The following FOXP2 variants were observed in gnomAD, a reference collection of about 807,000 sequenced individuals.
The protein encoded by FOXP2 is forkhead box P2.
FOXP2 carries 12 observed loss-of-function variants against 115.8 expected under a neutral mutation model. That is an observed-to-expected ratio of 0.10 (90% CI 0.07 to 0.17). The LOEUF (loss-of-function observed/expected upper bound fraction) is 0.17. Ranked by LOEUF, FOXP2 falls within the 10% of genes least tolerant of loss-of-function variation. The probability of loss-of-function intolerance (pLI) is 1.00; values close to 1 mark genes in which losing one functional copy is unlikely to be tolerated. For synonymous variants in FOXP2, 328 were observed against 297.7 expected, an observed-to-expected ratio of 1.10 and a Z score of -1.05; for missense variants, 629 against 843.5, an observed-to-expected ratio of 0.75 and a Z score of 3.15.
At chr7:114,642,676 A>G in intron 7 of FOXP2, 53 bp downstream of exon 7, 1 of 1,516,380 alleles carries the variant, frequency 6.6e-7, no homozygotes, top group Non-Finnish European at 9.1e-7. Context: ...TTTTATTTTC[A>G]CCATTGAGAC....
chr7:114,444,502 T>C (rs901999421), intron 2 of FOXP2, among the ~76,000 whole-genome samples: 42 of 152,178 alleles, frequency 2.8e-4, no homozygotes, highest in Non-Finnish European at 1.5e-5. Context: ...TAGTAATACT[T>C]CGTCCTCAAG....
intron 2 of FOXP2, among the ~76,000 whole-genome samples, chr7:114,393,208 T>G (rs1348836576): frequency 1.3e-5 from 2 of 152,160 alleles, no homozygotes; most frequent in South Asian, 2.1e-4. Context: ...TATAATATTT[T>G]TACTTAAGTA....
At chr7:114,459,951 C>T (rs1287360713) in intron 2 of FOXP2, among the ~76,000 whole-genome samples, 1 of 152,092 alleles carries the variant, frequency 6.6e-6, no homozygotes, top group Admixed American at 6.5e-5. Context: ...TGCTTAGAAG[C>T]CTTCAATTCT....
intron 2 of FOXP2, among the ~76,000 whole-genome samples, chr7:114,430,437 A>T (rs1400482708): frequency 6.6e-6 from 1 of 151,810 alleles, no homozygotes; most frequent in African/African-American, 2.4e-5. Context: ...TAAATTATTA[A>T]ACTGTCACAT....
intron 1 of FOXP2, among the ~76,000 whole-genome samples, chr7:114,141,460 A>C (rs1792205598): frequency 6.6e-6 from 1 of 152,194 alleles, no homozygotes; most frequent in Non-Finnish European, 1.5e-5. Context: ...TAGGAAATTT[A>C]TATATGTTAA....
intron 2 of FOXP2, among the ~76,000 whole-genome samples, chr7:114,457,814 C>T (rs917311283): frequency 7.9e-5 from 12 of 150,944 alleles, no homozygotes; most frequent in East Asian, 2.0e-4. Context: ...AGGAGACTGG[C>T]GTGAACCCAG....
chr7:114,529,640 TTTAA>T (rs1205420234), intron 2 of FOXP2, among the ~76,000 whole-genome samples: 2 of 151,880 alleles, frequency 1.3e-5, no homozygotes, highest in Non-Finnish European at 2.9e-5. Flanking sequence ...AAAAATATTC[TTTAA>T]TAATTAGCTT....
chr7:114,199,390 T>C (rs1413307977), intron 1 of FOXP2, among the ~76,000 whole-genome samples: 1 of 152,078 alleles, frequency 6.6e-6, no homozygotes, highest in African/African-American at 2.4e-5. Context: ...ATAAAATAAA[T>C]ACATATATAA....
intron 2 of FOXP2, among the ~76,000 whole-genome samples, chr7:114,482,116 CGAGA>C (rs1024968880): frequency 6.6e-6 from 1 of 151,284 alleles, no homozygotes; most frequent in African/African-American, 2.4e-5. Context: ...ACAGGAGGAT[CGAGA>C]GAGAGGGATT....
chr7:114,234,486 C>T (rs1030648948), intron 1 of FOXP2, among the ~76,000 whole-genome samples: 1 of 152,116 alleles, frequency 6.6e-6, no homozygotes, highest in Non-Finnish European at 1.5e-5. Flanking sequence ...GGTTGTTTAA[C>T]GTTAGCAATA....
rs138929760 is a variant in FOXP2, at chr7:114,519,865, A to G, written c.169-14752A>G. Among the ~76,000 whole-genome samples, 183 of 152,286 alleles carry G rather than the reference A, an allele frequency of 1.2e-3. 1 individual carries two copies. The highest frequency in any genetic ancestry group is 4.0e-3 in the African/African-American group (167 of 41,582). On this transcript the variant is annotated intron_variant, in intron 2 of 16. Transcript: ENST00000350908. Reference sequence around the variant, plus strand: ...GTGTCACTCTCAGAAATAAGGTTTTAATTTCCAATTTTATCCGTCTTTTTA... The same window carrying G: ...GTGTCACTCTCAGAAATAAGGTTTTGATTTCCAATTTTATCCGTCTTTTTA...
intron 3 of FOXP2, among the ~76,000 whole-genome samples, chr7:114,581,194 T>C (rs970689328): frequency 2.9e-5 from 4 of 140,108 alleles, no homozygotes; most frequent in Non-Finnish European, 6.2e-5. Flanking sequence ...TATTTATTTA[T>C]TTATTTTGAG....
chr7:114,524,522 G>T (rs948277848), intron 2 of FOXP2, among the ~76,000 whole-genome samples: 1 of 152,016 alleles, frequency 6.6e-6, no homozygotes, highest in African/African-American at 2.4e-5. Context: ...CAGCCAGATA[G>T]TTGTTCAGAT....
intron 2 of FOXP2, among the ~76,000 whole-genome samples, chr7:114,339,850 C>A (rs1356933241): frequency 6.6e-6 from 1 of 150,966 alleles, no homozygotes; most frequent in Non-Finnish European, 1.5e-5. Context: ...AATTAAAGCT[C>A]ATTTATACAA....
intron 15 of FOXP2, 43 bp downstream of exon 15, chr7:114,663,562 C>G: frequency 9.6e-7 from 1 of 1,042,970 alleles, no homozygotes; most frequent in Admixed American, 2.2e-5. Flanking sequence ...ATGTTTAGGG[C>G]TTTTTTTTTT....
chr7:114,186,148 T>C (rs1224897415), intron 1 of FOXP2, among the ~76,000 whole-genome samples: 1 of 152,132 alleles, frequency 6.6e-6, no homozygotes, highest in Non-Finnish European at 1.5e-5. Context: ...ACGGGACGTA[T>C]GTTCAAACCA....
At chr7:114,387,376 C>T (rs1358613107) in intron 2 of FOXP2, among the ~76,000 whole-genome samples, 1 of 152,172 alleles carries the variant, frequency 6.6e-6, no homozygotes, top group Non-Finnish European at 1.5e-5. Context: ...CCACACAGTA[C>T]AATGCTGATG....
intron 2 of FOXP2, among the ~76,000 whole-genome samples, chr7:114,377,203 T>G (rs1270440201): frequency 6.6e-6 from 1 of 152,206 alleles, no homozygotes; most frequent in Non-Finnish European, 1.5e-5. Context: ...TGATGAGATG[T>G]AGAATTCAAG....
At chr7:114,260,540 T>A (rs1795722752) in intron 1 of FOXP2, among the ~76,000 whole-genome samples, 1 of 152,064 alleles carries the variant, frequency 6.6e-6, no homozygotes, top group Admixed American at 6.6e-5. Context: ...TTAAAAAAAA[T>A]TGGACTGAAT....
Sources: allele counts gnomAD v4.1 joint callset (sites outside exome capture counted in the v4.1 genomes callset), GRCh38; gene constraint gnomAD v4.1.1; transcripts MANE v1.5; gene names NCBI Gene and HGNC (gene_info 2026-07-23, HGNC 2026-07-21).